Variants in TDRD9 observed in about 807,000 individuals in gnomAD.
TDRD9 encodes ATP-dependent RNA helicase TDRD9.
A neutral mutation model predicts 172.6 loss-of-function variants in TDRD9; 124 were observed. That is an observed-to-expected ratio of 0.72 (90% CI 0.62 to 0.83). TDRD9 has a LOEUF of 0.83. TDRD9 is among the 40% of genes least tolerant of loss of function. The pLI is 0.00. For missense variants in TDRD9, 1,479 were observed against 1,714.1 expected (o/e 0.86, Z 2.42); for synonymous variants, 619 against 617.1 (o/e 1.00, Z -0.05).
intron 5 of TDRD9, 90 bp downstream of exon 5, chr14:103,966,921 C>G: frequency 1.7e-6 from 2 of 1,200,682 alleles, no homozygotes; most frequent in Non-Finnish European, 2.2e-6. Context: ...GTGCCTGTCT[C>G]AGCTTTCTTT....
At chr14:103,929,854 A>G (rs1371516842) in intron 1 of TDRD9, among the ~76,000 whole-genome samples, 7 of 152,196 alleles carry the variant, frequency 4.6e-5, no homozygotes, top group African/African-American at 1.4e-4. Flanking sequence ...TTGTGTGGAC[A>G]TAAGTTTTCA....
intron 22 of TDRD9, 125 bp from the exon 23 acceptor site, chr14:104,017,967 T>C: frequency 1.6e-6 from 1 of 631,828 alleles, no homozygotes; most frequent in Non-Finnish European, 2.8e-6. Context: ...TTATATATTA[T>C]GGTTAAAGAT....
At chr14:103,933,472 C>T (rs1389552461) in intron 1 of TDRD9, among the ~76,000 whole-genome samples, 1 of 152,178 alleles carries the variant, frequency 6.6e-6, no homozygotes, top group Non-Finnish European at 1.5e-5. Flanking sequence ...TTTGGGAAGC[C>T]TTCATCATAG....
intron 2 of TDRD9, among the ~76,000 whole-genome samples, chr14:103,956,102 AAAAAAAAAAATATATATATATATAT>A (rs1195583673): frequency 2.8e-4 from 16 of 57,276 alleles, no homozygotes; most frequent in African/African-American, 1.2e-3. Context: ...AAAAAAAAAA[AAAAAAAAAAATATATATATATATAT>A]ATATATATAT....
At chr14:103,975,765 C>T (rs1348241552) in intron 7 of TDRD9, among the ~76,000 whole-genome samples, 1 of 152,204 alleles carries the variant, frequency 6.6e-6, no homozygotes, top group African/African-American at 2.4e-5. Flanking sequence ...GCAAATCCAT[C>T]ATCTCCAACA....
chr14:104,034,933 G>C (rs1469793995), intron 31 of TDRD9, 27 bp from the exon 32 acceptor site: 2 of 1,531,846 alleles, frequency 1.3e-6, no homozygotes, highest in Admixed American at 3.9e-5. Flanking sequence ...GTTAATGCCC[G>C]ATGTTGATTT....
At chr14:104,004,455 A>G (rs1400417750) in intron 14 of TDRD9, 120 bp downstream of exon 14, 4 of 528,552 alleles carry the variant, frequency 7.6e-6, no homozygotes, top group African/African-American at 5.7e-5. Flanking sequence ...ATCTTGGCTC[A>G]CTGCAATCTG....
intron 7 of TDRD9, among the ~76,000 whole-genome samples, chr14:103,976,982 A>G (rs1045724676): frequency 1.3e-5 from 2 of 152,136 alleles, no homozygotes; most frequent in Non-Finnish European, 2.9e-5. Flanking sequence ...TCAGCCTCCC[A>G]AAGTGCTGGG....
At position 104,052,367 on chromosome 14, in the gene TDRD9, G is replaced by A. The variant is rs2035958549; in HGVS notation, c.*285G>A. Reference sequence around the variant, plus strand: ...TGAAAGAAGTCTGTTTGGATAAAGAGCTGTATTTTGCTTTAAATTTATTAA... The same window carrying A: ...TGAAAGAAGTCTGTTTGGATAAAGAACTGTATTTTGCTTTAAATTTATTAA... On this transcript the variant is annotated 3_prime_UTR_variant, in exon 36 of 36. Transcript: ENST00000409874. 3 of 222,116 alleles carry A rather than the reference G, an allele frequency of 1.4e-5. 1 individual carries two copies. The highest frequency in any genetic ancestry group is 1.8e-5 in the Non-Finnish European group (2 of 111,152). The allele number at this position is 222,116 out of a possible 1,614,324, so 13.8% of individuals were successfully genotyped here.
At chr14:104,025,499 G>A in intron 25 of TDRD9, 65 bp from the exon 26 acceptor site, 1 of 1,297,324 alleles carries the variant, frequency 7.7e-7, no homozygotes, top group Non-Finnish European at 1.1e-6. Context: ...TATGATTCAA[G>A]CTCATTTTCC....
Position 103,948,295 on chromosome 14 carries a change from G to A in TDRD9, c.216-7369G>A, listed in dbSNP as rs558689568. Among the ~76,000 whole-genome samples the A allele has an allele frequency of 6.6e-5, 10 of 152,182 alleles. No homozygotes were observed. The South Asian group carries it at 2.1e-3, about 32-fold the overall frequency. ...ACCTCCCAAAGTGCTGGGAGTATAG[G>A]CATGAGTCATTGCACCCGGCAAAAA... On this transcript the variant is annotated intron_variant, in intron 1 of 35. Transcript: ENST00000409874.
rs138536627 is a variant in TDRD9, at chr14:104,016,030, C to A, written c.2273C>A (p.Pro758Gln). ...CCAAATTACTTTACTTTTGGACAGCCGGATGAGGAGATGGCGGTGAGGGAG... is the reference window on the plus strand; with the variant it reads ...CCAAATTACTTTACTTTTGGACAGCAGGATGAGGAGATGGCGGTGAGGGAG... ...FYPNYFTFGQPDEEMAVRELA... is the reference protein window; with the variant it reads ...FYPNYFTFGQQDEEMAVRELA... The change falls in exon 22 of 36, where the codon CCG becomes CAG. Residue 758 changes from proline (P) to glutamine (Q), a missense_variant. Pro to Gln is a moderately conservative substitution (Grantham distance 76). This residue lies in a region of TDRD9 where 1,413 missense variants were observed against 1,649.1 expected (regional missense o/e 0.86). Coordinates refer to ENST00000409874, the MANE Select transcript of TDRD9 (RefSeq NM_153046.3). The A allele has an allele frequency of 3.1e-6, 5 of 1,603,028 alleles. No homozygotes were observed. The African/African-American group carries it at 6.7e-5, about 21-fold the overall frequency.
chr14:104,021,246 A>C (rs1023789176), intron 23 of TDRD9, among the ~76,000 whole-genome samples: 1 of 152,080 alleles, frequency 6.6e-6, no homozygotes, highest in Non-Finnish European at 1.5e-5. Flanking sequence ...GCAAGGGGGA[A>C]ATCGCGCTCA....
At chr14:104,030,739 A>G (rs1343590026) in intron 28 of TDRD9, among the ~76,000 whole-genome samples, 2 of 152,188 alleles carry the variant, frequency 1.3e-5, no homozygotes, top group Non-Finnish European at 2.9e-5. Flanking sequence ...CAAAAAACCA[A>G]ACACCGCATG....
At chr14:104,026,020 A>G (rs1006013102) in intron 26 of TDRD9, 27 bp from the exon 27 acceptor site, 2 of 1,476,466 alleles carry the variant, frequency 1.4e-6, no homozygotes, top group African/African-American at 1.4e-5. Context: ...ACCCCGTCGT[A>G]AAGTGTATAC....
chr14:103,965,959 A>G (rs2032725901), intron 4 of TDRD9, among the ~76,000 whole-genome samples: 2 of 152,036 alleles, frequency 1.3e-5, no homozygotes, highest in South Asian at 4.1e-4. Flanking sequence ...CAAAAAACAA[A>G]CAAACAAACA....
chr14:103,987,324 T>C (rs1480879516), intron 8 of TDRD9, among the ~76,000 whole-genome samples: 1 of 152,220 alleles, frequency 6.6e-6, no homozygotes, highest in Non-Finnish European at 1.5e-5. Flanking sequence ...TGTCTTTTCA[T>C]GGCTTAGATA....
At chr14:104,008,339 AT>A (rs2034510008) in intron 19 of TDRD9, 73 bp from the exon 20 acceptor site, 4 of 878,262 alleles carry the variant, frequency 4.6e-6, no homozygotes. Context: ...TGGATGAAAT[AT>A]GTATTAAAGT....
rs192375134 is a variant in TDRD9, at chr14:104,047,336, C to T, written c.3975-2272C>T. 1.4e-3 allele frequency among the ~76,000 whole-genome samples: 219 copies of T among 151,900 alleles called. 1 individual carries two copies. The highest frequency in any genetic ancestry group is 2.5e-3 in the Non-Finnish European group (172 of 67,984). ...ATATATTGGTCTTTTATCCTGTGAC[C>T]TTGTTAAACTTCTGTATTCTAGTAG... On this transcript the variant is annotated intron_variant, in intron 34 of 35. Coordinates refer to ENST00000409874, the MANE Select transcript of TDRD9 (RefSeq NM_153046.3).
Sources: allele counts gnomAD v4.1 joint callset (sites outside exome capture counted in the v4.1 genomes callset), GRCh38; gene constraint gnomAD v4.1.1; regional missense constraint gnomAD v4.1.1; transcripts MANE v1.5; gene names NCBI Gene and HGNC (gene_info 2026-07-23, HGNC 2026-07-21).